SPATA31H1: variants seen among roughly 807,000 people sequenced by gnomAD.
SPATA31H1 encodes the protein spermatogenesis-associated protein 31H1.
the SPATA31H1 span, chr2:27,577,183 C>T: frequency 6.2e-7 from 1 of 1,613,942 alleles, no homozygotes; most frequent in Admixed American, 1.7e-5. This position sits in a 1 kb window ranked among gnomAD's most constrained non-coding sequence, Gnocchi z 4.5. Flanking sequence ...CTTCAGGTAC[C>T]AAAATTTGTT....
chr2:27,576,577 A>C, the SPATA31H1 span: 6 of 1,567,500 alleles, frequency 3.8e-6, no homozygotes, highest in Non-Finnish European at 5.2e-6. Flanking sequence ...AAACCTATGG[A>C]GCTGACACCA....
chr2:27,565,616 G>C, the SPATA31H1 span, among the ~76,000 whole-genome samples: 3 of 152,144 alleles, frequency 2.0e-5, no homozygotes, highest in Middle Eastern at 3.4e-3. Context: ...AGCTCCTTTT[G>C]TGCAAAGCCC....
chr2:27,542,135 G>A, the SPATA31H1 span, among the ~76,000 whole-genome samples: 6 of 152,026 alleles, frequency 3.9e-5, no homozygotes, highest in Admixed American at 2.0e-4. Context: ...GGTGGCTCAT[G>A]CCTGTAATCC....
chr2:27,568,836 G>A, the SPATA31H1 span: 1 of 398,956 alleles, frequency 2.5e-6, no homozygotes, highest in Non-Finnish European at 4.4e-6. Context: ...ACTGAACAAA[G>A]GGACACAATT....
the SPATA31H1 span, among the ~76,000 whole-genome samples, chr2:27,561,604 T>C: frequency 1.4e-4 from 22 of 152,352 alleles, no homozygotes; most frequent in African/African-American, 4.3e-4. Flanking sequence ...CAGTCTTACA[T>C]TTCACATTTT....
chr2:27,575,187 G>T, the SPATA31H1 span: 2 of 398,542 alleles, frequency 5.0e-6, no homozygotes, highest in East Asian at 3.6e-5. The surrounding 1 kb of genome is among the most constrained non-coding windows in gnomAD (Gnocchi z 4.1). Flanking sequence ...AGGCAACCAT[G>T]ACCCAGAATT....
chr2:27,548,067 C>T, the SPATA31H1 span, among the ~76,000 whole-genome samples: 1 of 150,264 alleles, frequency 6.7e-6, no homozygotes, highest in Non-Finnish European at 1.5e-5. Context: ...CTGCAAGCTC[C>T]ACCTCCTGGG....
the SPATA31H1 span, chr2:27,566,989 C>T: frequency 1.4e-6 from 1 of 717,650 alleles, no homozygotes; most frequent in Non-Finnish European, 2.6e-6. Context: ...AAGCAATCCT[C>T]TGTGTTCAGG....
At chr2:27,574,588 G>A in the SPATA31H1 span, 1 of 398,432 alleles carries the variant, frequency 2.5e-6, no homozygotes, top group Non-Finnish European at 4.4e-6. Flanking sequence ...AGGCTTCAAA[G>A]TATGAAATCA....
chr2:27,556,401 T>C, the SPATA31H1 span, among the ~76,000 whole-genome samples: 1 of 151,600 alleles, frequency 6.6e-6, no homozygotes, highest in African/African-American at 2.4e-5. Flanking sequence ...TCAAATGTTG[T>C]TTCTGCTTGC....
the SPATA31H1 span, chr2:27,582,592 T>C: frequency 6.8e-7 from 1 of 1,477,242 alleles, no homozygotes; most frequent in Non-Finnish European, 9.1e-7. Flanking sequence ...CCAGGCTTCT[T>C]TCCTGCTCAG....
the SPATA31H1 span, chr2:27,577,525 G>A: frequency 4.3e-6 from 7 of 1,614,142 alleles, no homozygotes; most frequent in South Asian, 7.7e-5. This position sits in a 1 kb window ranked among gnomAD's most constrained non-coding sequence, Gnocchi z 4.5. Context: ...AACTTAGAAT[G>A]TGTGGAGGTG....
the SPATA31H1 span, chr2:27,573,960 T>C: frequency 5.0e-6 from 2 of 398,390 alleles, no homozygotes; most frequent in African/African-American, 4.1e-5. Flanking sequence ...ACAATGGCAA[T>C]GTGTCAAATC....
the SPATA31H1 span, chr2:27,579,071 G>C: frequency 2.8e-5 from 46 of 1,614,172 alleles, no homozygotes; most frequent in Non-Finnish European, 3.9e-5. Flanking sequence ...AAATGGAGGA[G>C]CTAGAGAACT....
chr2:27,545,357 T>C, the SPATA31H1 span, among the ~76,000 whole-genome samples: 1 of 151,888 alleles, frequency 6.6e-6, no homozygotes, highest in Admixed American at 6.5e-5. Flanking sequence ...GTTATATCTA[T>C]ATGATAAAGA....
At chr2:27,574,326 G>A in the SPATA31H1 span, 1 of 398,286 alleles carries the variant, frequency 2.5e-6, no homozygotes, top group African/African-American at 2.1e-5. Context: ...GATTCCAGGG[G>A]GAAAGCTTCA....
At chr2:27,577,898 G>A in the SPATA31H1 span, 3 of 1,614,056 alleles carry the variant, frequency 1.9e-6, no homozygotes, top group African/African-American at 2.7e-5. The surrounding 1 kb of genome is among the most constrained non-coding windows in gnomAD (Gnocchi z 4.5). Flanking sequence ...AGGCACGGCA[G>A]CACAGGGAGG....
chr2:27,566,025 T>C, the SPATA31H1 span: 1 of 717,428 alleles, frequency 1.4e-6, no homozygotes. Context: ...GCTGACAGAT[T>C]CTTCACCTCT....
chr2:27,543,796 C>T, the SPATA31H1 span, among the ~76,000 whole-genome samples: 34 of 151,854 alleles, frequency 2.2e-4, 1 homozygote, highest in Admixed American at 1.2e-3. Flanking sequence ...AGAAGGGCTC[C>T]GGGACCCCCT....
Sources: allele counts gnomAD v4.1 joint callset (sites outside exome capture counted in the v4.1 genomes callset), GRCh38; gene constraint gnomAD v4.1.1; non-coding constraint Gnocchi (gnomAD v3.1); transcripts MANE v1.5; gene names NCBI Gene and HGNC (gene_info 2026-07-23, HGNC 2026-07-21).